TMEM245: variants seen among roughly 807,000 people sequenced by gnomAD.
TMEM245 encodes transmembrane protein 245, also known as protein CG-2.
Under a neutral mutation model 101.2 loss-of-function variants are expected in TMEM245, and 69 were observed. That is an observed-to-expected ratio of 0.68 (90% CI 0.56 to 0.83). The LOEUF (loss-of-function observed/expected upper bound fraction) is 0.83, where lower values mean the gene tolerates loss of function less well. TMEM245 is among the 40% of genes least tolerant of loss of function. The pLI is 0.00. For synonymous variants in TMEM245, 537 were observed against 449.8 expected (o/e 1.19, Z -2.45); for missense variants, 1,075 against 1,092.8 (o/e 0.98, Z 0.23).
At chr9:109,077,986 T>A (rs960955419) in intron 8 of TMEM245, among the ~76,000 whole-genome samples, 2 of 152,218 alleles carry the variant, frequency 1.3e-5, no homozygotes, top group Non-Finnish European at 2.9e-5. Context: ...CTATTGGTCC[T>A]CTGTTGTTCC....
At chr9:109,100,218 T>G (rs947179314) in intron 3 of TMEM245, among the ~76,000 whole-genome samples, 3 of 152,234 alleles carry the variant, frequency 2.0e-5, no homozygotes, top group African/African-American at 7.2e-5. Context: ...GCAAGAAGGA[T>G]GAGTACTCAA....
At position 109,050,710 on chromosome 9, in the gene TMEM245, C is replaced by A. The variant is rs1828651574; in HGVS notation, c.1855-18G>T. The A allele has an allele frequency of 1.9e-6, 3 of 1,610,766 alleles. No homozygotes were observed. In the African/African-American group the frequency reaches 4.1e-5, roughly 22 times the overall value. ...TCCAAGATCTGACGAGGAAGGAAAG[C>A]TGGATATCAGAACCAATCCTCATGA... On this transcript the variant is annotated intron_variant, in intron 12 of 17. Coordinates refer to ENST00000374586, the MANE Select transcript of TMEM245 (RefSeq NM_032012.4).
chr9:109,107,047 G>C (rs562478363), intron 2 of TMEM245, among the ~76,000 whole-genome samples: 1 of 152,064 alleles, frequency 6.6e-6, no homozygotes, highest in Admixed American at 6.6e-5. Context: ...GCCCAAAAGA[G>C]CACAGCAAAA....
intron 8 of TMEM245, among the ~76,000 whole-genome samples, chr9:109,077,623 G>T (rs1337938829): frequency 6.6e-6 from 1 of 152,156 alleles, no homozygotes; most frequent in African/African-American, 2.4e-5. Context: ...ATATACATTT[G>T]TAACTGTTAT....
rs73527223 is a variant in TMEM245, at chr9:109,019,253, C to T, written c.*1207G>A. ...AACTGCATACAATATTTAGAAGGAA[C>T]ACTAATACAGCAGAATCTGCACACA... is the stretch of plus-strand genomic sequence containing the variant. On this transcript the variant is annotated 3_prime_UTR_variant, in exon 18 of 18. Transcript: ENST00000374586. The T allele has an allele frequency of 6.6e-6, 1 of 152,304 alleles. No individual in the cohort carries two copies. The highest frequency in any genetic ancestry group is 2.4e-5 in the African/African-American group (1 of 41,556). 9.4% of individuals were successfully genotyped at this position (152,304 alleles called of 1,614,324 possible).
At chr9:109,104,309 T>C (rs908528223) in intron 3 of TMEM245, among the ~76,000 whole-genome samples, 1 of 151,870 alleles carries the variant, frequency 6.6e-6, no homozygotes, top group Non-Finnish European at 1.5e-5. Context: ...CCCATAAATA[T>C]ATACACCTAC....
chr9:109,058,051 A>G (rs947986578), intron 11 of TMEM245, among the ~76,000 whole-genome samples: 13 of 144,852 alleles, frequency 9.0e-5, no homozygotes, highest in Non-Finnish European at 1.9e-4. Flanking sequence ...CCCAGGCTAG[A>G]GTGCAGTGGT....
chr9:109,097,593 G>C (rs976024504), intron 3 of TMEM245, among the ~76,000 whole-genome samples: 1 of 152,130 alleles, frequency 6.6e-6, no homozygotes, highest in Admixed American at 6.5e-5. Flanking sequence ...ACATAAATTC[G>C]TATCTCATTT....
At chr9:109,085,318 T>A (rs1016007019) in intron 7 of TMEM245, among the ~76,000 whole-genome samples, 8 of 152,256 alleles carry the variant, frequency 5.3e-5, no homozygotes. Flanking sequence ...GTGGACTATA[T>A]GTCGAGGTAC....
chr9:109,118,913 T>C (rs1037560507), intron 1 of TMEM245, among the ~76,000 whole-genome samples: 5 of 152,188 alleles, frequency 3.3e-5, no homozygotes, highest in Admixed American at 6.5e-5. Flanking sequence ...GGATGGCAAG[T>C]TGGCCTAGAA....
chr9:109,110,593 GAT>G (rs1234103626), intron 1 of TMEM245, among the ~76,000 whole-genome samples: 1 of 152,004 alleles, frequency 6.6e-6, no homozygotes, highest in Non-Finnish European at 1.5e-5. Flanking sequence ...ACAGTAAATG[GAT>G]AGTCTTCAGA....
intron 2 of TMEM245, among the ~76,000 whole-genome samples, chr9:109,107,186 G>A (rs1008146416): frequency 2.0e-5 from 3 of 151,472 alleles, no homozygotes; most frequent in Non-Finnish European, 4.4e-5. Context: ...TCAGGAGTTC[G>A]AGACCAGCCT....
At chr9:109,067,842 G>T (rs1180389776) in intron 9 of TMEM245, among the ~76,000 whole-genome samples, 2 of 152,194 alleles carry the variant, frequency 1.3e-5, no homozygotes, top group African/African-American at 2.4e-5. Flanking sequence ...CAAGTTGGAA[G>T]AAAGGACATC....
At chr9:109,115,067 C>T (rs1830677610) in intron 1 of TMEM245, among the ~76,000 whole-genome samples, 1 of 152,146 alleles carries the variant, frequency 6.6e-6, no homozygotes, top group South Asian at 2.1e-4. Flanking sequence ...TAGGTCCAGG[C>T]CAGGCGCAGT....
At chr9:109,088,815 C>CAA (rs772216738) in intron 5 of TMEM245, among the ~76,000 whole-genome samples, 90 of 67,286 alleles carry the variant, frequency 1.3e-3, no homozygotes, top group African/African-American at 4.2e-3. Context: ...GACTACATCT[C>CAA]AAAAAAAAAA....
At chr9:109,069,350 T>G (rs2132471631) in intron 9 of TMEM245, among the ~76,000 whole-genome samples, 1 of 152,200 alleles carries the variant, frequency 6.6e-6, no homozygotes, top group African/African-American at 2.4e-5. Flanking sequence ...AGGACAACAT[T>G]TGGAAGGTCT....
intron 1 of TMEM245, among the ~76,000 whole-genome samples, chr9:109,116,139 C>T (rs1301809445): frequency 6.6e-6 from 1 of 152,218 alleles, no homozygotes; most frequent in Non-Finnish European, 1.5e-5. Context: ...GTCATCAAAA[C>T]AGGGATTCGC....
At chr9:109,103,118 G>A (rs963180299) in intron 3 of TMEM245, among the ~76,000 whole-genome samples, 1 of 152,148 alleles carries the variant, frequency 6.6e-6, no homozygotes, top group Non-Finnish European at 1.5e-5. Flanking sequence ...AGAGCAATCA[G>A]GCAAGAAAAA....
In TMEM245 at chr9:109,111,106, G is replaced by A. The variant is rs181666617; in HGVS notation, c.580-2536C>T. The stretch of plus-strand genomic sequence containing the variant: ...AAAAGTTTTGCTCAGAAAAGAGAAG[G>A]AAATATCAAGATTTTGTAGCTATCT... On this transcript the variant is annotated intron_variant, in intron 1 of 17. Coordinates refer to ENST00000374586, the MANE Select transcript of TMEM245 (RefSeq NM_032012.4). Among the ~76,000 whole-genome samples, 5 of 152,216 alleles carry A rather than the reference G, an allele frequency of 3.3e-5. No individual in the cohort carries two copies. The East Asian group carries it at 9.6e-4, about 29-fold the overall frequency.
Sources: allele counts gnomAD v4.1 joint callset (sites outside exome capture counted in the v4.1 genomes callset), GRCh38; gene constraint gnomAD v4.1.1; transcripts MANE v1.5; gene names NCBI Gene and HGNC (gene_info 2026-07-23, HGNC 2026-07-21).